Variants in COL5A1 observed in about 807,000 individuals in gnomAD.
COL5A1 encodes the protein collagen alpha-1(V) chain.
In COL5A1, 16 loss-of-function variants were observed where a neutral mutation model predicts 263.7. That is an observed-to-expected ratio of 0.06 (90% CI 0.04 to 0.09). The LOEUF is 0.09. COL5A1 is among the 10% of genes least tolerant of loss of function. COL5A1 has a pLI of 1.00. For synonymous variants in COL5A1, 1,012 were observed against 1,004.5 expected, an observed-to-expected ratio of 1.01 and a Z score of -0.14; for missense variants, 2,036 against 2,540.5, an observed-to-expected ratio of 0.80 and a Z score of 4.27.
chr9:134,763,833 G>A, intron 20 of COL5A1, 96 bp downstream of exon 20: 3 of 1,255,966 alleles, frequency 2.4e-6, no homozygotes, highest in Non-Finnish European at 3.4e-6. Context: ...TCAGCCAGGA[G>A]CTTAGAAGAG....
At chr9:134,826,703 ATGTGGGGGTGTGTGGGTGGTG>A (rs1839283371) in intron 63 of COL5A1, among the ~76,000 whole-genome samples, 1 of 68,354 alleles carries the variant, frequency 1.5e-5, no homozygotes, top group African/African-American at 8.9e-5. Flanking sequence ...TGTGGCTGGT[ATGTGGGGGTGTGTGGGTGGTG>A]TGTGGGTGTG....
chr9:134,817,931 G>A, intron 54 of COL5A1, 100 bp downstream of exon 54: 1 of 1,227,400 alleles, frequency 8.1e-7, no homozygotes, highest in Non-Finnish European at 1.2e-6. Flanking sequence ...TGTCCATGGA[G>A]GCTGAGAGTG....
intron 1 of COL5A1, among the ~76,000 whole-genome samples, chr9:134,676,705 C>CCATGGAGCCACGAATGCACAGTTCCT (rs1554777802): frequency 6.6e-6 from 1 of 152,288 alleles, no homozygotes; most frequent in Non-Finnish European, 1.5e-5. Context: ...CCTTTATTTG[C>CCATGGAGCCACGAATGCACAGTTCCT]TGGTGGGGGT....
chr9:134,815,117 C>T (rs1241639713), intron 50 of COL5A1, among the ~76,000 whole-genome samples: 1 of 152,230 alleles, frequency 6.6e-6, no homozygotes, highest in Non-Finnish European at 1.5e-5. Flanking sequence ...AGGAGAAAGC[C>T]CTGAGTGATT....
Position 134,837,683 on chromosome 9 carries a change from G to A in COL5A1, c.5370+2479G>A, listed in dbSNP as rs151063104. Among the ~76,000 whole-genome samples the A allele has an allele frequency of 4.8e-3, 725 of 151,726 alleles. 12 individuals carry two copies. The highest frequency in any genetic ancestry group is 0.038 in the Admixed American group (583 of 15,230). ...GCTCTTGCTCAGCCCAGTGTCTCCCGGTGATGAGGGTGTGCTGTTGGCATC... is the reference window on the plus strand; with the variant it reads ...GCTCTTGCTCAGCCCAGTGTCTCCCAGTGATGAGGGTGTGCTGTTGGCATC... On this transcript the variant is annotated intron_variant, in intron 65 of 65. Coordinates refer to ENST00000371817, the MANE Select transcript of COL5A1 (RefSeq NM_000093.5).
intron 1 of COL5A1, chr9:134,653,162 T>A (rs562611277): frequency 6.4e-6 from 1 of 156,864 alleles, no homozygotes; most frequent in South Asian, 1.9e-4. Flanking sequence ...ATGGTGCTGT[T>A]CCCCTGCACA....
rs1326982481 is a variant in COL5A1 at position 134,780,619 on chromosome 9, C to T, written c.2430+473C>T. On this transcript the variant is annotated intron_variant, in intron 28 of 65. Transcript: ENST00000371817. ...GAGCCAGGCAGGGAGGGAGAGAGGC[C>T]GTGCCATTGGCCATGGTCCGTGGGG... is the stretch of plus-strand genomic sequence containing the variant. 3.9e-5 allele frequency among the ~76,000 whole-genome samples: 6 copies of T among 152,238 alleles called. No homozygotes were observed. The East Asian group carries it at 5.8e-4, about 15-fold the overall frequency.
In COL5A1 at chr9:134,758,064, G is replaced by A. The variant is rs570812301; in HGVS notation, c.1882-179G>A. Among the ~76,000 whole-genome samples the A allele has an allele frequency of 2.6e-5, 4 of 152,222 alleles. No individual in the cohort carries two copies. The highest frequency in any genetic ancestry group is 5.9e-5 in the Non-Finnish European group (4 of 68,044). On this transcript the variant is annotated intron_variant, in intron 17 of 65. Transcript: ENST00000371817. The surrounding 1 kb of genome is among the most constrained non-coding windows in gnomAD (Gnocchi z 4.1). The stretch of plus-strand genomic sequence containing the variant: ...GTTCATGTTTGCAGGGGAAGAGGCT[G>A]AGATTGTAGATGCAAAGTGGGGGCC...
At chr9:134,790,008 C>T (rs1211240116) in intron 32 of COL5A1, among the ~76,000 whole-genome samples, 1 of 152,174 alleles carries the variant, frequency 6.6e-6, no homozygotes, top group African/African-American at 2.4e-5. Flanking sequence ...GGGGGACATG[C>T]TCCCCGAAAG....
rs180971576 is a variant in COL5A1, at chr9:134,655,172, G to A, written c.109+12876G>A. On this transcript the variant is annotated intron_variant, in intron 1 of 65. Transcript: ENST00000371817. ...TGTGTAGGGCTGGTGTGTGTATAAG[G>A]CAGGGGTTTGTAGGGCTGGGGTTGT... is the stretch of plus-strand genomic sequence containing the variant. Among the ~76,000 whole-genome samples, 485 of 150,596 alleles carry A rather than the reference G, an allele frequency of 3.2e-3. 18 individuals carry two copies. The South Asian group carries it at 0.068, about 21-fold the overall frequency.
At chr9:134,720,108 G>T (rs995665567) in intron 4 of COL5A1, among the ~76,000 whole-genome samples, 3 of 152,200 alleles carry the variant, frequency 2.0e-5, no homozygotes, top group African/African-American at 7.2e-5. Context: ...CTCAGGAAGG[G>T]TCAGGGCACG....
intron 4 of COL5A1, among the ~76,000 whole-genome samples, chr9:134,703,901 A>G (rs1588452864): frequency 6.6e-6 from 1 of 152,104 alleles, no homozygotes; most frequent in East Asian, 1.9e-4. Flanking sequence ...GGCCTCCCAC[A>G]GTGCTGGGAT....
Position 134,841,853 on chromosome 9 carries a change from A to C in COL5A1, c.5371-304A>C, listed in dbSNP as rs1312980926. 6.6e-6 allele frequency among the ~76,000 whole-genome samples: 1 copy of C among 152,074 alleles called. No individual in the cohort carries two copies. The highest frequency in any genetic ancestry group is 1.5e-5 in the Non-Finnish European group (1 of 68,002). On this transcript the variant is annotated intron_variant, in intron 65 of 65. Transcript: ENST00000371817. The surrounding 1 kb of genome is among the most constrained non-coding windows in gnomAD (Gnocchi z 4.8). ...ACTGGGCACGGTGGGAAGGCTGATC[A>C]GCTTCAATCCTGTGTGTGCCTCAGC...
At chr9:134,781,636 C>T (rs1347813927) in intron 28 of COL5A1, among the ~76,000 whole-genome samples, 1 of 152,174 alleles carries the variant, frequency 6.6e-6, no homozygotes, top group African/African-American at 2.4e-5. Flanking sequence ...GGAGAGCTCC[C>T]GCACTGTTCC....
At chr9:134,781,002 T>C (rs2132762092) in intron 28 of COL5A1, among the ~76,000 whole-genome samples, 1 of 152,380 alleles carries the variant, frequency 6.6e-6, no homozygotes, top group African/African-American at 2.4e-5. Context: ...GGCTCTCCCC[T>C]GGCCACGGCG....
chr9:134,751,186 CCGAGAGCG>C (rs1214246224), intron 13 of COL5A1, among the ~76,000 whole-genome samples: 27 of 151,488 alleles, frequency 1.8e-4, no homozygotes, highest in Admixed American at 3.3e-4. Context: ...AGTAGGGACC[CCGAGAGCG>C]TGTCACTGTC....
At chr9:134,769,345 C>T (rs1162745013) in intron 25 of COL5A1, among the ~76,000 whole-genome samples, 1 of 152,118 alleles carries the variant, frequency 6.6e-6, no homozygotes. Context: ...GCCTTCTCAT[C>T]CCCACGCGCG....
At chr9:134,801,643 C>T (rs1374648083) in intron 37 of COL5A1, among the ~76,000 whole-genome samples, 1 of 152,082 alleles carries the variant, frequency 6.6e-6, no homozygotes, top group East Asian at 1.9e-4. Context: ...AAAAATTTGC[C>T]AGGTGTGATG....
At chr9:134,731,456 C>A in intron 7 of COL5A1, 40 bp from the exon 8 acceptor site, 1 of 1,608,382 alleles carries the variant, frequency 6.2e-7, no homozygotes, top group East Asian at 2.2e-5. Context: ...GTGCCTGGTG[C>A]GTTTGCGAGG....
Sources: allele counts gnomAD v4.1 joint callset (sites outside exome capture counted in the v4.1 genomes callset), GRCh38; gene constraint gnomAD v4.1.1; non-coding constraint Gnocchi (gnomAD v3.1); transcripts MANE v1.5; gene names NCBI Gene and HGNC (gene_info 2026-07-23, HGNC 2026-07-21).